The following SPECC1 variants were observed in gnomAD, a reference collection of about 807,000 sequenced individuals.
SPECC1 encodes the protein sperm antigen with calponin homology and coiled-coil domains 1.
SPECC1 carries 62 observed loss-of-function variants against 104.1 expected under a neutral mutation model. The ratio of observed to expected loss-of-function variants is 0.60; its 90% CI spans 0.49 to 0.74. The LOEUF is 0.74. Ranked by LOEUF, SPECC1 falls within the 30% of genes least tolerant of loss-of-function variation. The pLI is 0.00. For synonymous variants in SPECC1, 513 were observed against 501.6 expected (o/e 1.02, Z -0.30); for missense variants, 1,306 against 1,310.5 (o/e 1.00, Z 0.05).
intron 1 of SPECC1, among the ~76,000 whole-genome samples, chr17:20,019,224 A>G (rs953798763): frequency 2.1e-5 from 2 of 93,380 alleles, no homozygotes; most frequent in African/African-American, 4.1e-5. Flanking sequence ...TTATTTATTT[A>G]TTTATTTATT....
chr17:20,298,760 T>C (rs2041439621), intron 13 of SPECC1, among the ~76,000 whole-genome samples: 1 of 151,918 alleles, frequency 6.6e-6, no homozygotes, highest in Non-Finnish European at 1.5e-5. Flanking sequence ...AAAGGGCCAT[T>C]TTCTGAGATG....
chr17:20,179,051 A>G (rs563808334), intron 3 of SPECC1, among the ~76,000 whole-genome samples: 1 of 152,372 alleles, frequency 6.6e-6, no homozygotes, highest in South Asian at 2.1e-4. Context: ...TTCTGTATTC[A>G]GACATATCAG....
Position 20,260,255 on chromosome 17 carries a change from T to G in SPECC1, c.2901T>G (p.Ala967=), listed in dbSNP as rs745401699. 15 of 1,613,888 alleles carry G rather than the reference T, an allele frequency of 9.3e-6. No individual in the cohort carries two copies. The highest frequency in any genetic ancestry group is 1.3e-5 in the Non-Finnish European group (15 of 1,179,938). The change falls in exon 12 of 15, where the codon GCT becomes GCG. Residue 967 remains alanine, a synonymous_variant. Transcript: ENST00000395527. ...AREYGGSKRN[A]LLKWCQKKTQ... ...AATACGGTGGTTCCAAGCGCAATGC[T>G]CTACTGAAATGGTGCCAGAAGAAGA... is the stretch of plus-strand genomic sequence containing the variant.
intron 1 of SPECC1, among the ~76,000 whole-genome samples, chr17:20,067,841 A>G (rs1001647639): frequency 2.6e-5 from 4 of 152,094 alleles, no homozygotes; most frequent in African/African-American, 9.7e-5. Flanking sequence ...CCGCCCCGAA[A>G]ACCCAGGGCA....
intron 3 of SPECC1, among the ~76,000 whole-genome samples, chr17:20,160,329 G>A (rs1307057377): frequency 6.6e-6 from 1 of 152,110 alleles, no homozygotes; most frequent in Non-Finnish European, 1.5e-5. Context: ...GAATCTGCCA[G>A]CAGTCGGGAG....
intron 3 of SPECC1, among the ~76,000 whole-genome samples, chr17:20,192,670 A>G (rs1353910061): frequency 1.3e-5 from 2 of 151,978 alleles, no homozygotes; most frequent in Non-Finnish European, 2.9e-5. Context: ...AGTTTCTTTC[A>G]TCTGTACTTT....
intron 12 of SPECC1, among the ~76,000 whole-genome samples, chr17:20,276,832 T>C (rs1431421487): frequency 3.9e-5 from 6 of 152,252 alleles, no homozygotes; most frequent in Non-Finnish European, 8.8e-5. Context: ...AACAGCCCCG[T>C]CGGCCCCTTT....
At chr17:20,295,012 A>G (rs1286790685) in intron 12 of SPECC1, among the ~76,000 whole-genome samples, 2 of 113,604 alleles carry the variant, frequency 1.8e-5, no homozygotes, top group African/African-American at 3.4e-5. Context: ...GTAGATTCCC[A>G]TCTATTATTA....
At chr17:20,289,333 G>A (rs189348225) in intron 12 of SPECC1, among the ~76,000 whole-genome samples, 1 of 152,186 alleles carries the variant, frequency 6.6e-6, no homozygotes, top group African/African-American at 2.4e-5. Flanking sequence ...ATGGAGTCTT[G>A]CTCTGATGTC....
intron 3 of SPECC1, among the ~76,000 whole-genome samples, chr17:20,192,410 T>C (rs1023462196): frequency 2.0e-5 from 3 of 152,322 alleles, no homozygotes; most frequent in Non-Finnish European, 2.9e-5. Flanking sequence ...GCTATTTTTT[T>C]CCCCAATTTT....
At chr17:20,239,552 A>T (rs1456488726) in intron 7 of SPECC1, 2 of 156,892 alleles carry the variant, frequency 1.3e-5, no homozygotes, top group African/African-American at 4.8e-5. Context: ...ATATTAAAAT[A>T]TTGTCTTACT....
intron 7 of SPECC1, chr17:20,239,444 T>TA: frequency 3.8e-6 from 1 of 260,058 alleles, no homozygotes; most frequent in Non-Finnish European, 6.2e-6. Flanking sequence ...TGCACCTTTT[T>TA]ATTTTATCAT....
intron 7 of SPECC1, among the ~76,000 whole-genome samples, chr17:20,242,492 CTGT>C (rs1244358381): frequency 1.3e-5 from 2 of 152,262 alleles, no homozygotes; most frequent in Admixed American, 6.5e-5. Flanking sequence ...TGGCCTGCAA[CTGT>C]TGTTCTCTAG....
intron 3 of SPECC1, among the ~76,000 whole-genome samples, chr17:20,168,485 A>G (rs1311275489): frequency 6.6e-6 from 1 of 152,226 alleles, no homozygotes; most frequent in Admixed American, 6.5e-5. Flanking sequence ...AAAGCAGCAC[A>G]TACCATGCTT....
chr17:20,086,681 T>A (rs1467789133), intron 1 of SPECC1, among the ~76,000 whole-genome samples: 2 of 152,098 alleles, frequency 1.3e-5, no homozygotes, highest in Admixed American at 1.3e-4. Context: ...GGAGGGGCAG[T>A]GGACGTGGTG....
At chr17:20,276,831 G>A (rs998402778) in intron 12 of SPECC1, among the ~76,000 whole-genome samples, 6 of 152,240 alleles carry the variant, frequency 3.9e-5, no homozygotes, top group Admixed American at 2.6e-4. Flanking sequence ...AAACAGCCCC[G>A]TCGGCCCCTT....
intron 7 of SPECC1, among the ~76,000 whole-genome samples, chr17:20,244,460 A>G (rs1598074067): frequency 2.0e-5 from 3 of 152,284 alleles, no homozygotes; most frequent in Middle Eastern, 6.8e-3. Context: ...GTGCCTGATA[A>G]TTTCTTCCAA....
At chr17:20,020,601 G>A (rs536223843) in intron 1 of SPECC1, among the ~76,000 whole-genome samples, 1 of 152,172 alleles carries the variant, frequency 6.6e-6, no homozygotes, top group Non-Finnish European at 1.5e-5. Flanking sequence ...CAAAGTGCTG[G>A]GATTACAGGC....
intron 3 of SPECC1, among the ~76,000 whole-genome samples, chr17:20,160,899 T>C (rs1176217453): frequency 6.6e-6 from 1 of 152,258 alleles, no homozygotes; most frequent in Non-Finnish European, 1.5e-5. Context: ...CATACTTAAA[T>C]TTTCCAAATC....
Sources: allele counts gnomAD v4.1 joint callset (sites outside exome capture counted in the v4.1 genomes callset), GRCh38; gene constraint gnomAD v4.1.1; transcripts MANE v1.5; gene names NCBI Gene and HGNC (gene_info 2026-07-23, HGNC 2026-07-21).